TRANK1: variants seen among roughly 807,000 people sequenced by gnomAD.
TRANK1 encodes tetratricopeptide repeat and ankyrin repeat containing 1.
In TRANK1, 198 loss-of-function variants were observed where a neutral mutation model predicts 266.0. The ratio of observed to expected loss-of-function variants is 0.74; its 90% CI spans 0.66 to 0.84. The LOEUF is 0.84. TRANK1 is among the 40% of genes least tolerant of loss of function. The pLI, the probability that TRANK1 is intolerant of heterozygous loss-of-function variation, is 0.00. For synonymous variants in TRANK1, 1,396 were observed against 1,384.1 expected (o/e 1.01, Z -0.19); for missense variants, 3,326 against 3,634.6 (o/e 0.92, Z 2.18).
At chr3:36,860,091 T>G (rs1326676213) in intron 11 of TRANK1, among the ~76,000 whole-genome samples, 1 of 152,136 alleles carries the variant, frequency 6.6e-6, no homozygotes, top group Admixed American at 6.5e-5. Flanking sequence ...ACACATAATG[T>G]TTTTTCTCGT....
chr3:36,899,138 A>C lies in TRANK1; in HGVS notation c.404T>G (p.Phe135Cys). The change falls in exon 4 of 24, where the codon TTC (phenylalanine) becomes TGC (cysteine). Residue 135 changes from phenylalanine (F) to cysteine (C), a missense_variant. Phe to Cys is a radical substitution (Grantham distance 205, BLOSUM62 -2). Transcript: ENST00000645898. Reference protein sequence around the residue: ...RSQDQAPVADFLVGVFTTMSS... With the variant: ...RSQDQAPVADCLVGVFTTMSS... ...CATAGTGGTGAAGACTCCAACAAGG[A>C]AATCAGCAACCGGTGCCTGGTCTTG... 6.5e-7 allele frequency: 1 copy of C among 1,537,262 alleles called. No individual in the cohort carries two copies. Among genetic ancestry groups the C allele is most frequent in the Non-Finnish European group, 8.7e-7 (1 of 1,146,922 alleles).
intron 7 of TRANK1, among the ~76,000 whole-genome samples, chr3:36,890,339 C>G (rs1482977026): frequency 6.6e-6 from 1 of 152,176 alleles, no homozygotes; most frequent in East Asian, 1.9e-4. Context: ...CTAGTAGGGT[C>G]ACTCCAGCCT....
At chr3:36,906,327 T>C (rs898555858) in intron 2 of TRANK1, among the ~76,000 whole-genome samples, 2 of 152,182 alleles carry the variant, frequency 1.3e-5, no homozygotes. Flanking sequence ...ACCCTACAGA[T>C]GCCAACATCT....
intron 5 of TRANK1, among the ~76,000 whole-genome samples, 166 bp from the exon 6 acceptor site, chr3:36,893,150 A>G (rs974246714): frequency 6.6e-6 from 1 of 152,088 alleles, no homozygotes; most frequent in South Asian, 2.1e-4. Context: ...TTGCTGTGAC[A>G]ATTAAAGTCT....
Position 36,857,068 on chromosome 3 carries a change from C to T in TRANK1, c.2654G>A (p.Ser885Asn), listed in dbSNP as rs1441434622. Reference sequence around the variant, plus strand: ...CAGCTTAGCTTCGAAGAGCTGGATGCTTCCTTTCAGGTGCTTCAGTCGCTT... The same window carrying T: ...CAGCTTAGCTTCGAAGAGCTGGATGTTTCCTTTCAGGTGCTTCAGTCGCTT... ...LQKRLKHLKG[S>N]IQLFEAKLDK... The change falls in exon 13 of 24, where the codon AGC (serine) becomes AAC (asparagine). Residue 885 changes from serine to asparagine, a missense_variant. Coordinates refer to ENST00000645898, the MANE Select transcript of TRANK1 (RefSeq NM_001329998.2). This position sits in a 1 kb window ranked among gnomAD's most constrained non-coding sequence, Gnocchi z 4.3. The T allele has an allele frequency of 6.2e-6, 10 of 1,613,918 alleles. No homozygotes were observed. The highest frequency in any genetic ancestry group is 7.6e-6 in the Non-Finnish European group (9 of 1,179,892).
At position 36,832,465 on chromosome 3, in the gene TRANK1, C is replaced by A. The variant is rs370883964; in HGVS notation, c.7118G>T (p.Gly2373Val). The A allele has an allele frequency of 1.9e-6, 3 of 1,613,826 alleles. No individual in the cohort carries two copies. The African/African-American group carries it at 4.0e-5, about 22-fold the overall frequency. The change falls in exon 22 of 24, where the codon GGC becomes GTC. Residue 2373 changes from glycine to valine, a missense_variant. Physicochemically the swap from Gly to Val is moderately radical, Grantham distance 109. Coordinates refer to ENST00000645898, the MANE Select transcript of TRANK1 (RefSeq NM_001329998.2). ...TTTTATCCTGCTGCCTCTCCCCCTG[C>A]CCCTTTCATCCTTTTCAGACTCTAG... ...KALESEKDERGRGRGSRIKGI... is the reference protein window; with the variant it reads ...KALESEKDERVRGRGSRIKGI...
At chr3:36,904,459 T>C (rs2079931834) in intron 2 of TRANK1, among the ~76,000 whole-genome samples, 1 of 151,182 alleles carries the variant, frequency 6.6e-6, no homozygotes, top group African/African-American at 2.4e-5. Flanking sequence ...GGAGGAGATT[T>C]CAGTGAGCCA....
intron 13 of TRANK1, among the ~76,000 whole-genome samples, chr3:36,852,792 A>C (rs1245712470): frequency 1.3e-5 from 2 of 151,632 alleles, no homozygotes; most frequent in African/African-American, 2.4e-5. Flanking sequence ...AAAAAAAAAA[A>C]AAAAAAACAA....
At chr3:36,875,247 G>A (rs574745782) in intron 8 of TRANK1, among the ~76,000 whole-genome samples, 2 of 152,308 alleles carry the variant, frequency 1.3e-5, no homozygotes, top group South Asian at 2.1e-4. Context: ...CTAATCACAT[G>A]AGTCCTAACA....
chr3:36,943,345 A>T (rs567520121), intron 1 of TRANK1, among the ~76,000 whole-genome samples: 1 of 152,118 alleles, frequency 6.6e-6, no homozygotes, highest in Non-Finnish European at 1.5e-5. Context: ...TATTATGCAT[A>T]TATACATTAT....
At chr3:36,918,844 A>G (rs1338580108) in intron 1 of TRANK1, among the ~76,000 whole-genome samples, 1 of 152,312 alleles carries the variant, frequency 6.6e-6, no homozygotes, top group East Asian at 1.9e-4. Flanking sequence ...ACTGATTTAC[A>G]TGCACATTCA....
chr3:36,838,428 GAC>G lies in TRANK1; in HGVS notation c.5459_5460del (p.Cys1820SerfsTer28). On this transcript the variant is annotated frameshift_variant, in exon 20 of 24. Transcript: ENST00000645898. LOFTEE classifies it high-confidence loss of function. Reference protein sequence around the residue: ...ECKEPTLSLKCLSYAKEFQLS... With the variant: ...ECKEPTLSLKXLSYAKEFQLS... ...AGCTGGAACTCCTTGGCATAGCTCA[GAC>G]ACTTAAGGGACAGTGTTGGCTCTTT... The G allele has an allele frequency of 6.2e-7, 1 of 1,614,044 alleles. No homozygotes were observed. The highest frequency in any genetic ancestry group is 8.5e-7 in the Non-Finnish European group (1 of 1,179,902).
Position 36,833,190 on chromosome 3 carries a change from C to G in TRANK1, c.6393G>C (p.Gln2131His). 6.2e-7 allele frequency: 1 copy of G among 1,613,920 alleles called. No homozygotes were observed. The highest frequency in any genetic ancestry group is 8.5e-7 in the Non-Finnish European group (1 of 1,179,852). ...QVDAKYCQIA[Q>H]NDPGPILRII... ...TTCTTAATATGGGCCCAGGGTCATT[C>G]TGAGCTATCTGGCAATACTTGGCAT... The change falls in exon 22 of 24, where the codon CAG becomes CAC. Residue 2131 changes from glutamine to histidine, a missense_variant. By Grantham distance (24) the Gln-to-His change is conservative. Transcript: ENST00000645898.
chr3:36,838,647 C>T lies in TRANK1; in HGVS notation c.5350G>A (p.Ala1784Thr), dbSNP rs1475611229. ...KEKLALAHDT[A>T]LSMKSKKVSP... The stretch of plus-strand genomic sequence containing the variant: ...ACTTTCTTGGATTTCATGCTCAGGG[C>T]AGTGTCATGGGCCAGGGCCAACTTC... Residue 1784 changes from alanine to threonine, a missense_variant, in exon 19 of 24, where the codon GCC (alanine) becomes ACC (threonine). Ala to Thr is a moderately conservative substitution (Grantham distance 58). Coordinates refer to ENST00000645898, the MANE Select transcript of TRANK1 (RefSeq NM_001329998.2). 6.2e-7 allele frequency: 1 copy of T among 1,613,946 alleles called. No homozygotes were observed. The highest frequency in any genetic ancestry group is 1.7e-5 in the Admixed American group (1 of 60,030).
At chr3:36,921,481 C>T (rs1352613897) in intron 1 of TRANK1, among the ~76,000 whole-genome samples, 3 of 152,234 alleles carry the variant, frequency 2.0e-5, no homozygotes, top group Admixed American at 6.5e-5. Flanking sequence ...AGTAAGAGTA[C>T]AGCTCTTTAT....
At chr3:36,917,319 T>C (rs2080139877) in intron 1 of TRANK1, among the ~76,000 whole-genome samples, 1 of 152,026 alleles carries the variant, frequency 6.6e-6, no homozygotes, top group Admixed American at 6.6e-5. Context: ...ATGAACCAAA[T>C]AGAAATATAT....
chr3:36,851,936 A>G, intron 14 of TRANK1, 80 bp from the exon 15 acceptor site: 2 of 1,479,308 alleles, frequency 1.4e-6, no homozygotes, highest in Non-Finnish European at 1.8e-6. Flanking sequence ...GAGATAGGTA[A>G]TGTTTTTAAA....
At chr3:36,837,743 T>C (rs2078789549) in intron 20 of TRANK1, among the ~76,000 whole-genome samples, 1 of 152,246 alleles carries the variant, frequency 6.6e-6, no homozygotes, top group South Asian at 2.1e-4. Context: ...AAATAATAGT[T>C]TGTAGCCTGC....
intron 1 of TRANK1, among the ~76,000 whole-genome samples, chr3:36,917,832 A>G (rs2080147615): frequency 6.6e-6 from 1 of 152,214 alleles, no homozygotes; most frequent in Non-Finnish European, 1.5e-5. Flanking sequence ...TATACATACA[A>G]TACAAAAAAA....
Sources: allele counts gnomAD v4.1 joint callset (sites outside exome capture counted in the v4.1 genomes callset), GRCh38; gene constraint gnomAD v4.1.1; non-coding constraint Gnocchi (gnomAD v3.1); transcripts MANE v1.5; gene names NCBI Gene and HGNC (gene_info 2026-07-23, HGNC 2026-07-21).